Variants in TUSC3 observed in about 807,000 individuals in gnomAD.
The protein encoded by TUSC3 is tumor suppressor candidate 3.
A neutral mutation model predicts 44.8 loss-of-function variants in TUSC3; 45 were observed. The observed-to-expected ratio is 1.00, with a 90% CI of 0.79 to 1.29. TUSC3 has a LOEUF of 1.29. Ranked by LOEUF, TUSC3 falls within the 50% of genes most tolerant of loss-of-function variation. The pLI is 0.00. For synonymous variants in TUSC3, 212 were observed against 152.9 expected (o/e 1.39, Z -2.85); for missense variants, 519 against 437.9 (o/e 1.19, Z -1.65).
chr8:15,836,901 G>C, the TUSC3 span, among the ~76,000 whole-genome samples: 1 of 152,092 alleles, frequency 6.6e-6, no homozygotes, highest in East Asian at 1.9e-4. Flanking sequence ...TTTCTTGATT[G>C]TAAAGGTTTA....
intron 2 of TUSC3, among the ~76,000 whole-genome samples, chr8:15,490,974 C>A (rs964293236): frequency 2.0e-5 from 3 of 151,976 alleles, no homozygotes; most frequent in South Asian, 2.1e-4. Flanking sequence ...GGTCTGGGGC[C>A]CCCCCAATCT....
At chr8:15,616,376 G>C (rs1251778435) in intron 1 of TUSC3, among the ~76,000 whole-genome samples, 1 of 152,066 alleles carries the variant, frequency 6.6e-6, no homozygotes, top group East Asian at 1.9e-4. Flanking sequence ...TCAGGAGTTG[G>C]AGACCAGCCT....
chr8:15,573,180 C>CTT (rs1802947653), intron 1 of TUSC3, among the ~76,000 whole-genome samples: 1 of 86,780 alleles, frequency 1.2e-5, no homozygotes, highest in Non-Finnish European at 2.3e-5. Context: ...CTCTCTCTCT[C>CTT]TCTCTCTCTC....
At chr8:15,752,883 T>A (rs1336302311) in intron 9 of TUSC3, among the ~76,000 whole-genome samples, 1 of 152,038 alleles carries the variant, frequency 6.6e-6, no homozygotes, top group Non-Finnish European at 1.5e-5. Context: ...TTTGGCCTCT[T>A]CAATTCTTGT....
chr8:15,533,279 GA>G (rs1252534527), intron 2 of TUSC3, among the ~76,000 whole-genome samples: 1 of 152,160 alleles, frequency 6.6e-6, no homozygotes, highest in Non-Finnish European at 1.5e-5. Flanking sequence ...TCAGCAGCAT[GA>G]AAATTGATTA....
the TUSC3 span, among the ~76,000 whole-genome samples, chr8:15,829,619 T>C: frequency 6.6e-6 from 1 of 152,088 alleles, no homozygotes; most frequent in African/African-American, 2.4e-5. Flanking sequence ...AATTTTTTAT[T>C]AGTTTATCAA....
At chr8:15,641,863 G>T (rs1022585968) in intron 2 of TUSC3, among the ~76,000 whole-genome samples, 3 of 152,128 alleles carry the variant, frequency 2.0e-5, no homozygotes, top group African/African-American at 4.8e-5. Flanking sequence ...GTATCTAAAG[G>T]CCTTGCCAAA....
the TUSC3 span, among the ~76,000 whole-genome samples, chr8:15,818,273 A>G: frequency 6.6e-6 from 1 of 152,168 alleles, no homozygotes; most frequent in African/African-American, 2.4e-5. Flanking sequence ...TGTATTCAGA[A>G]GCAAATACCA....
At chr8:15,567,012 T>C (rs935823625) in intron 1 of TUSC3, among the ~76,000 whole-genome samples, 6 of 152,150 alleles carry the variant, frequency 3.9e-5, no homozygotes, top group Non-Finnish European at 8.8e-5. Context: ...CTATGTGCTC[T>C]TGGCTAAGAT....
chr8:15,637,672 T>G (rs33999342), intron 2 of TUSC3, among the ~76,000 whole-genome samples: 49,493 of 151,916 alleles, frequency 0.33, 8,865 homozygotes, highest in Non-Finnish European at 0.39. Flanking sequence ...TTTTACCCCT[T>G]TCCTATACCA....
intron 6 of TUSC3, among the ~76,000 whole-genome samples, chr8:15,683,381 T>G (rs772756684): frequency 6.6e-6 from 1 of 152,162 alleles, no homozygotes; most frequent in Non-Finnish European, 1.5e-5. Flanking sequence ...TGGGTTGATT[T>G]GAAGGAGTGA....
chr8:15,776,011 T>C, the TUSC3 span, among the ~76,000 whole-genome samples: 3 of 152,034 alleles, frequency 2.0e-5, no homozygotes, highest in Non-Finnish European at 4.4e-5. Context: ...TTTTACTGTA[T>C]AGTTTGACTG....
the TUSC3 span, among the ~76,000 whole-genome samples, chr8:15,804,343 C>A: frequency 0.048 from 7,237 of 152,206 alleles, 214 homozygotes; most frequent in African/African-American, 0.08. Context: ...TTATGTCCTA[C>A]TTGTCAATTT....
At chr8:15,758,892 T>G (rs1812049331) in intron 10 of TUSC3, among the ~76,000 whole-genome samples, 1 of 152,138 alleles carries the variant, frequency 6.6e-6, no homozygotes, top group African/African-American at 2.4e-5. Context: ...CAGAGATGTT[T>G]TCCTACTCTC....
intron 1 of TUSC3, among the ~76,000 whole-genome samples, chr8:15,554,758 C>T (rs974111662): frequency 6.0e-5 from 9 of 150,220 alleles, no homozygotes; most frequent in East Asian, 6.0e-4. Context: ...GCCCTCACCA[C>T]GCCCGGCTAA....
At position 15,540,582 on chromosome 8, in the gene TUSC3, C is replaced by T. The variant is rs1288748422; in HGVS notation, c.138+14C>T. 1.3e-6 allele frequency: 2 copies of T among 1,551,598 alleles called. No individual in the cohort carries two copies. The highest frequency in any genetic ancestry group is 1.4e-5 in the African/African-American group (1 of 70,736). ...AAGAAAAAGGAGGTAGAATGGATCC[C>T]CTTGGCCTTCCCCTGTGGGCGGGGG... is the stretch of plus-strand genomic sequence containing the variant. On this transcript the variant is annotated intron_variant, in intron 1 of 10. Coordinates refer to ENST00000503731, the MANE Select transcript of TUSC3 (RefSeq NM_006765.4).
rs189922500 is a variant in TUSC3, at chr8:15,531,260, C to G, written n.189+47777C>G. ...CTTTGCTTTCATTCCTGCTCTAAAG[C>G]TATTTATTTATTTATTTAGAGACAC... is the stretch of plus-strand genomic sequence containing the variant. On this transcript the variant is annotated intron_variant and non_coding_transcript_variant, in intron 2 of 5. Coordinates refer to the TUSC3 transcript ENST00000503191. Among the ~76,000 whole-genome samples, 4 of 152,178 alleles carry G rather than the reference C, an allele frequency of 2.6e-5. No individual in the cohort carries two copies. The East Asian group carries it at 7.7e-4, about 29-fold the overall frequency.
intron 7 of TUSC3, among the ~76,000 whole-genome samples, chr8:15,734,904 G>A (rs1467560102): frequency 6.6e-6 from 1 of 152,148 alleles, no homozygotes; most frequent in South Asian, 2.1e-4. Context: ...GTGAAAGTTA[G>A]GTTAGGCTGG....
chr8:15,635,575 C>T (rs1411942013), intron 2 of TUSC3, among the ~76,000 whole-genome samples: 1 of 152,098 alleles, frequency 6.6e-6, no homozygotes, highest in Non-Finnish European at 1.5e-5. Flanking sequence ...AGTTAACTAG[C>T]ACAATGTACT....
Sources: allele counts gnomAD v4.1 joint callset (sites outside exome capture counted in the v4.1 genomes callset), GRCh38; gene constraint gnomAD v4.1.1; transcripts MANE v1.5; gene names NCBI Gene and HGNC (gene_info 2026-07-23, HGNC 2026-07-21).